The following TBC1D5 variants were observed in gnomAD, a reference collection of about 807,000 sequenced individuals.
TBC1D5 encodes the protein TBC1 domain family member 5.
In TBC1D5, 75 loss-of-function variants were observed where a neutral mutation model predicts 100.3. That is an observed-to-expected ratio of 0.75 (90% CI 0.62 to 0.91). The LOEUF (loss-of-function observed/expected upper bound fraction) is 0.91. TBC1D5 is among the 40% of genes least tolerant of loss of function. The probability of loss-of-function intolerance (pLI) is 0.00; values close to 1 mark genes in which losing one functional copy is unlikely to be tolerated. For missense variants in TBC1D5, 910 were observed against 942.4 expected, an observed-to-expected ratio of 0.97 and a Z score of 0.45; for synonymous variants, 323 against 325.6, an observed-to-expected ratio of 0.99 and a Z score of 0.09.
intron 8 of TBC1D5, among the ~76,000 whole-genome samples, chr3:17,386,198 A>G (rs2093147048): frequency 6.6e-6 from 1 of 152,082 alleles, no homozygotes; most frequent in South Asian, 2.1e-4. Flanking sequence ...TCTGTCTTCA[A>G]GTAGGCTTCA....
chr3:17,581,105 A>G (rs542508504), intron 2 of TBC1D5, among the ~76,000 whole-genome samples: 43 of 152,216 alleles, frequency 2.8e-4, no homozygotes, highest in Non-Finnish European at 4.9e-4. Context: ...ATAGTGAGTA[A>G]GTCTCATGAG....
chr3:17,378,248 A>C (rs992275235), intron 9 of TBC1D5, among the ~76,000 whole-genome samples: 3 of 151,840 alleles, frequency 2.0e-5, no homozygotes, highest in Non-Finnish European at 4.4e-5. Flanking sequence ...TCCAGTATTG[A>C]AGTCCTTGGA....
At chr3:17,383,459 T>A (rs1240628906) in intron 9 of TBC1D5, among the ~76,000 whole-genome samples, 1 of 152,026 alleles carries the variant, frequency 6.6e-6, no homozygotes, top group Non-Finnish European at 1.5e-5. Flanking sequence ...ACAAAGGAAC[T>A]AAATACACAT....
At chr3:17,212,174 T>C (rs931379489) in intron 18 of TBC1D5, among the ~76,000 whole-genome samples, 2 of 152,214 alleles carry the variant, frequency 1.3e-5, no homozygotes, top group African/African-American at 4.8e-5. Context: ...AGATGAGATC[T>C]TATTAAGATA....
intron 1 of TBC1D5, among the ~76,000 whole-genome samples, chr3:17,737,792 G>A (rs1361679284): frequency 1.3e-5 from 2 of 150,138 alleles, no homozygotes; most frequent in Non-Finnish European, 1.5e-5. Context: ...CATCTGTAAT[G>A]CCTATTTCAA....
At chr3:17,399,652 G>A (rs200036496) in intron 8 of TBC1D5, among the ~76,000 whole-genome samples, 1 of 152,022 alleles carries the variant, frequency 6.6e-6, no homozygotes, top group African/African-American at 2.4e-5. Flanking sequence ...TCATGCCACT[G>A]CTCAATGTCC....
chr3:17,391,833 G>T (rs1351580262), intron 8 of TBC1D5, among the ~76,000 whole-genome samples: 4 of 152,084 alleles, frequency 2.6e-5, no homozygotes, highest in Non-Finnish European at 5.9e-5. Flanking sequence ...CATAGAAAAT[G>T]AATCTAATAA....
chr3:17,277,581 T>C (rs909830768), intron 15 of TBC1D5, among the ~76,000 whole-genome samples: 3 of 152,232 alleles, frequency 2.0e-5, no homozygotes, highest in Non-Finnish European at 2.9e-5. Flanking sequence ...AAGTCAGAAG[T>C]AAACACTATT....
chr3:17,547,899 C>T (rs2096434283), intron 2 of TBC1D5, among the ~76,000 whole-genome samples: 1 of 152,174 alleles, frequency 6.6e-6, no homozygotes, highest in Non-Finnish European at 1.5e-5. Context: ...AGTTTACAAT[C>T]TTGTCTGATT....
At chr3:17,413,003 A>G (rs542836340) in intron 4 of TBC1D5, among the ~76,000 whole-genome samples, 3 of 152,276 alleles carry the variant, frequency 2.0e-5, no homozygotes, top group African/African-American at 2.4e-5. Flanking sequence ...GACTGAGAAG[A>G]TAAGTTAACA....
At chr3:17,317,994 T>C (rs993713807) in intron 13 of TBC1D5, among the ~76,000 whole-genome samples, 6 of 151,910 alleles carry the variant, frequency 3.9e-5, no homozygotes, top group Non-Finnish European at 7.4e-5. Context: ...CCAACAATGA[T>C]AGACTGGATT....
intron 16 of TBC1D5, among the ~76,000 whole-genome samples, chr3:17,248,939 A>G (rs548264973): frequency 4.9e-4 from 75 of 152,250 alleles, no homozygotes; most frequent in African/African-American, 1.8e-3. Flanking sequence ...TTGCTGCTTC[A>G]CCTTGCACTT....
chr3:17,423,810 T>C (rs1383036080), intron 4 of TBC1D5, among the ~76,000 whole-genome samples: 5 of 152,196 alleles, frequency 3.3e-5, no homozygotes, highest in Non-Finnish European at 5.9e-5. Flanking sequence ...CAATGATTTA[T>C]ATTCTATCCT....
intron 2 of TBC1D5, among the ~76,000 whole-genome samples, chr3:17,517,874 GAAA>G (rs978902137): frequency 6.6e-6 from 1 of 151,502 alleles, no homozygotes; most frequent in Non-Finnish European, 1.5e-5. Context: ...TGACACTATG[GAAA>G]AAAAATTATA....
chr3:17,633,983 C>T (rs2153681350), intron 1 of TBC1D5, among the ~76,000 whole-genome samples: 1 of 152,198 alleles, frequency 6.6e-6, no homozygotes, highest in Non-Finnish European at 1.5e-5. Flanking sequence ...CATAACTGAT[C>T]ATCAGGGAAA....
chr3:17,656,058 C>T (rs2153730453), intron 1 of TBC1D5, among the ~76,000 whole-genome samples: 1 of 152,324 alleles, frequency 6.6e-6, no homozygotes, highest in South Asian at 2.1e-4. Flanking sequence ...TGTATTCACT[C>T]AGTAGCCTTT....
intron 3 of TBC1D5, among the ~76,000 whole-genome samples, chr3:17,477,391 T>C (rs1409265063): frequency 1.3e-5 from 2 of 152,000 alleles, no homozygotes; most frequent in African/African-American, 4.8e-5. Context: ...TCACGTAATA[T>C]AAATTTGAAA....
At chr3:17,563,536 C>A (rs2153480268) in intron 2 of TBC1D5, among the ~76,000 whole-genome samples, 1 of 152,186 alleles carries the variant, frequency 6.6e-6, no homozygotes, top group African/African-American at 2.4e-5. Flanking sequence ...GAAAATGTCA[C>A]CTGGAATTAT....
At chr3:17,187,517 G>A (rs1213553323) in intron 18 of TBC1D5, among the ~76,000 whole-genome samples, 1 of 152,176 alleles carries the variant, frequency 6.6e-6, no homozygotes, top group Non-Finnish European at 1.5e-5. Flanking sequence ...AATACCATGT[G>A]GAGCAGAAGA....
Sources: gnomAD v4.1 joint callset for allele counts (sites outside exome capture counted in the v4.1 genomes callset) on GRCh38, gnomAD v4.1.1 for gene constraint, MANE v1.5 for transcripts, NCBI Gene and HGNC (gene_info 2026-07-23, HGNC 2026-07-21) for gene names.